Variants in MAGI2 observed in about 807,000 individuals in gnomAD.
The protein encoded by MAGI2 is membrane associated guanylate kinase, WW and PDZ domain containing 2, also known as membrane-associated guanylate kinase, WW and PDZ domain-containing protein 2.
A neutral mutation model predicts 133.3 loss-of-function variants in MAGI2; 35 were observed. The ratio of observed to expected loss-of-function variants is 0.26; its 90% CI spans 0.20 to 0.35. MAGI2 has a LOEUF of 0.35. MAGI2 is among the 10% of genes least tolerant of loss of function. The pLI is 1.00. For synonymous variants in MAGI2, 729 were observed against 710.6 expected (o/e 1.03, Z -0.41); for missense variants, 1,636 against 1,863.4 (o/e 0.88, Z 2.25).
In MAGI2 at chr7:78,800,049, G is replaced by A. The variant is rs903575114; in HGVS notation, c.419-172810C>T. On this transcript the variant is annotated intron_variant, in intron 2 of 21. Transcript: ENST00000354212. ...AATTTGATTAAACTTGCCCCTAGCA[G>A]CTCTGTGGTATGATTCATCTTTCTA... Among the ~76,000 whole-genome samples, 7 of 152,152 alleles carry A rather than the reference G, an allele frequency of 4.6e-5. 1 individual carries two copies. The highest frequency in any genetic ancestry group is 1.7e-4 in the African/African-American group (7 of 41,498).
intron 2 of MAGI2, among the ~76,000 whole-genome samples, chr7:78,766,352 T>C (rs1329745029): frequency 6.6e-6 from 1 of 152,192 alleles, no homozygotes; most frequent in Non-Finnish European, 1.5e-5. Context: ...GAGATTGTCT[T>C]ATAACAAAAG....
rs1166919059 is a variant in MAGI2, at chr7:78,529,524, G to A, written c.539-7879C>T. Among the ~76,000 whole-genome samples, 3 of 152,090 alleles carry A rather than the reference G, an allele frequency of 2.0e-5. No homozygotes were observed. In the East Asian group the frequency reaches 5.8e-4, roughly 29 times the overall value. ...ACTATAACATAAACTTTAAATTCAT[G>A]AGTATATCCCATTTAAAGAATGTAT... On this transcript the variant is annotated intron_variant, in intron 3 of 21. Coordinates refer to ENST00000354212, the MANE Select transcript of MAGI2 (RefSeq NM_012301.4).
intron 16 of MAGI2, among the ~76,000 whole-genome samples, chr7:78,152,211 A>AG (rs780365580): frequency 2.5e-4 from 38 of 152,330 alleles, no homozygotes; most frequent in South Asian, 6.2e-4. Context: ...TTCCAAGCAC[A>AG]GTGCCTGGGA....
chr7:78,411,151 A>G (rs1797837072), intron 6 of MAGI2, among the ~76,000 whole-genome samples: 1 of 152,204 alleles, frequency 6.6e-6, no homozygotes, highest in Admixed American at 6.6e-5. Flanking sequence ...TAAGTATTAA[A>G]GAAATGAGCC....
At chr7:78,205,061 A>G (rs552357816) in intron 10 of MAGI2, among the ~76,000 whole-genome samples, 1 of 152,350 alleles carries the variant, frequency 6.6e-6, no homozygotes, top group African/African-American at 2.4e-5. Flanking sequence ...GTACTTGAAA[A>G]TGACAGAAGA....
intron 13 of MAGI2, among the ~76,000 whole-genome samples, chr7:78,184,029 T>C (rs1827450280): frequency 6.6e-6 from 1 of 152,268 alleles, no homozygotes. Flanking sequence ...CTAAGTAATG[T>C]ATTTTTTAAA....
intron 1 of MAGI2, among the ~76,000 whole-genome samples, chr7:79,080,102 C>A (rs188300309): frequency 1.3e-5 from 2 of 152,242 alleles, no homozygotes; most frequent in African/African-American, 4.8e-5. Context: ...TTGACTGCTT[C>A]AAATGTTCAC....
chr7:78,066,214 C>A (rs1174800918), intron 21 of MAGI2, among the ~76,000 whole-genome samples: 1 of 152,132 alleles, frequency 6.6e-6, no homozygotes, highest in African/African-American at 2.4e-5. Flanking sequence ...GTAATCCTAG[C>A]ACTCTGGGAG....
Position 78,903,862 on chromosome 7 carries a change from C to T in MAGI2, c.418+103228G>A, listed in dbSNP as rs561128461. Among the ~76,000 whole-genome samples, 18 of 152,284 alleles carry T rather than the reference C, an allele frequency of 1.2e-4. No individual in the cohort carries two copies. In the South Asian group the frequency reaches 3.5e-3, roughly 30 times the overall value. ...AAGTATTTAAAGATGTATAACTATC[C>T]TCTTCTTTATTCCCTGTTGCACAGT... On this transcript the variant is annotated intron_variant, in intron 2 of 21. Coordinates refer to ENST00000354212, the MANE Select transcript of MAGI2 (RefSeq NM_012301.4).
At chr7:78,185,581 A>G (rs1464225189) in intron 13 of MAGI2, 48 bp downstream of exon 13, 1 of 1,429,066 alleles carries the variant, frequency 7.0e-7, no homozygotes, top group East Asian at 2.4e-5. Context: ...GTTACACAAA[A>G]TGGAAGACGT....
chr7:79,253,858 C>G (rs1377200216), intron 1 of MAGI2, among the ~76,000 whole-genome samples: 2 of 152,060 alleles, frequency 1.3e-5, no homozygotes, highest in Non-Finnish European at 2.9e-5. Context: ...AATTTGAGAA[C>G]ACAATAGAAT....
chr7:78,609,796 T>C (rs1806243054), intron 3 of MAGI2, among the ~76,000 whole-genome samples: 1 of 152,192 alleles, frequency 6.6e-6, no homozygotes, highest in South Asian at 2.1e-4. Context: ...TACTCTTCCT[T>C]ACCTCTGTTA....
At chr7:78,665,556 C>A (rs1305945137) in intron 2 of MAGI2, among the ~76,000 whole-genome samples, 1 of 152,078 alleles carries the variant, frequency 6.6e-6, no homozygotes, top group Non-Finnish European at 1.5e-5. Flanking sequence ...TCTTTCTGGA[C>A]ATATATTAGA....
intron 2 of MAGI2, among the ~76,000 whole-genome samples, chr7:78,904,547 A>G (rs1266261047): frequency 1.4e-5 from 2 of 143,972 alleles, no homozygotes; most frequent in South Asian, 2.2e-4. Flanking sequence ...TTTTTGAGAC[A>G]GAGCCTTGCT....
At chr7:78,987,614 A>G (rs1054615314) in intron 2 of MAGI2, among the ~76,000 whole-genome samples, 2 of 152,084 alleles carry the variant, frequency 1.3e-5, no homozygotes, top group South Asian at 4.1e-4. Flanking sequence ...TTCACAGACA[A>G]CTATGGAATA....
intron 2 of MAGI2, among the ~76,000 whole-genome samples, chr7:78,656,293 T>A (rs1420297634): frequency 6.6e-6 from 1 of 152,174 alleles, no homozygotes; most frequent in Non-Finnish European, 1.5e-5. Context: ...AACCTAAGTG[T>A]CCATCAACAG....
At chr7:78,894,142 C>T (rs1584311512) in intron 2 of MAGI2, among the ~76,000 whole-genome samples, 3 of 152,298 alleles carry the variant, frequency 2.0e-5, no homozygotes, top group African/African-American at 7.2e-5. Flanking sequence ...TGGCTCATGC[C>T]TGTAATCCCA....
At chr7:78,587,265 T>C (rs1803522463) in intron 3 of MAGI2, among the ~76,000 whole-genome samples, 1 of 152,222 alleles carries the variant, frequency 6.6e-6, no homozygotes, top group African/African-American at 2.4e-5. Context: ...ATCCCCCCTT[T>C]TTTTCTCTTT....
At chr7:78,775,320 T>TAAAAAAAAAAAAAA (rs3086258) in intron 2 of MAGI2, among the ~76,000 whole-genome samples, 13 of 57,376 alleles carry the variant, frequency 2.3e-4, no homozygotes, top group African/African-American at 3.5e-4. Context: ...CGTCTCAAAT[T>TAAAAAAAAAAAAAA]AAAAAAAAAA....
Sources: allele counts gnomAD v4.1 joint callset (sites outside exome capture counted in the v4.1 genomes callset), GRCh38; gene constraint gnomAD v4.1.1; transcripts MANE v1.5; gene names NCBI Gene and HGNC (gene_info 2026-07-23, HGNC 2026-07-21).